Variants in EYS observed in about 807,000 individuals in gnomAD.
EYS encodes EGF-like photoreceptor maintenance factor, also known as protein eyes shut homolog.
In EYS, 250 loss-of-function variants were observed where a neutral mutation model predicts 282.1. That is an observed-to-expected ratio of 0.89 (90% confidence interval 0.80 to 0.98). EYS has a LOEUF of 0.98. EYS is among the 50% of genes least tolerant of loss of function. The pLI, the probability that EYS is intolerant of heterozygous loss-of-function variation, is 0.00. For missense variants in EYS, 4,016 were observed against 3,709.0 expected (o/e 1.08, Z -2.15); for synonymous variants, 1,355 against 1,282.9 (o/e 1.06, Z -1.20).
chr6:64,021,884 G>A (rs999751430), intron 33 of EYS, among the ~76,000 whole-genome samples: 1 of 152,080 alleles, frequency 6.6e-6, no homozygotes, highest in Admixed American at 6.5e-5. Flanking sequence ...TTTGCATTGT[G>A]CTTTTGTTAC....
At chr6:64,442,727 C>T (rs1327706975) in intron 26 of EYS, among the ~76,000 whole-genome samples, 2 of 152,150 alleles carry the variant, frequency 1.3e-5, no homozygotes, top group East Asian at 1.9e-4. Flanking sequence ...AAGCCCCAAG[C>T]CTTGGAAGCT....
chr6:65,354,980 A>G (rs1764425707), intron 8 of EYS, among the ~76,000 whole-genome samples: 1 of 152,148 alleles, frequency 6.6e-6, no homozygotes, highest in South Asian at 2.1e-4. Context: ...GAGACATCAA[A>G]TGTTGAAGTC....
rs572123084 is a variant in EYS, at chr6:65,181,863, G to T, written c.2023+114000C>A. ...GAAAATGTGTCACATATACACCATGGAATACTATGCAGCCATAAAAAATGA... is the reference window on the plus strand; with the variant it reads ...GAAAATGTGTCACATATACACCATGTAATACTATGCAGCCATAAAAAATGA... On this transcript the variant is annotated intron_variant, in intron 12 of 42. Transcript: ENST00000503581. Among the ~76,000 whole-genome samples, 978 of 152,192 alleles carry T rather than the reference G, an allele frequency of 6.4e-3. 12 individuals carry two copies. The highest frequency in any genetic ancestry group is 0.022 in the African/African-American group (919 of 41,550).
intron 30 of EYS, among the ~76,000 whole-genome samples, chr6:64,254,136 C>G (rs898061037): frequency 6.6e-6 from 1 of 152,044 alleles, no homozygotes; most frequent in African/African-American, 2.4e-5. Context: ...TTTGGCCTTT[C>G]TCGTGTAATA....
At chr6:65,345,733 A>G (rs1472104051) in intron 9 of EYS, among the ~76,000 whole-genome samples, 1 of 151,740 alleles carries the variant, frequency 6.6e-6, no homozygotes, top group South Asian at 2.1e-4. Flanking sequence ...TCTGCCTCCC[A>G]AGACCTCAAA....
intron 5 of EYS, among the ~76,000 whole-genome samples, chr6:65,469,625 T>C (rs1269639565): frequency 6.6e-6 from 1 of 152,120 alleles, no homozygotes; most frequent in East Asian, 1.9e-4. Context: ...CTCTGTATTT[T>C]TTATTTCTTT....
chr6:64,776,789 T>C (rs1357851783), intron 22 of EYS, among the ~76,000 whole-genome samples: 1 of 152,132 alleles, frequency 6.6e-6, no homozygotes, highest in Non-Finnish European at 1.5e-5. Context: ...AGTTGACACT[T>C]GCTGAAAATT....
intron 1 of EYS, among the ~76,000 whole-genome samples, chr6:65,695,140 T>C (rs1238363253): frequency 6.6e-6 from 1 of 152,094 alleles, no homozygotes; most frequent in Non-Finnish European, 1.5e-5. Context: ...TCCATGTACA[T>C]AGAAATAAGT....
chr6:65,382,457 C>CTGTGTGTGTGTGTGTG (rs55949006), intron 8 of EYS, among the ~76,000 whole-genome samples: 12 of 112,014 alleles, frequency 1.1e-4, no homozygotes, highest in South Asian at 3.3e-4. Flanking sequence ...CTCCTTTCCT[C>CTGTGTGTGTGTGTGTG]TGTGTGTGTG....
intron 8 of EYS, among the ~76,000 whole-genome samples, chr6:65,359,181 G>C (rs1764604714): frequency 6.6e-6 from 1 of 151,914 alleles, no homozygotes; most frequent in Non-Finnish European, 1.5e-5. Context: ...AGAAACAAGA[G>C]AATCAAGAAA....
intron 29 of EYS, among the ~76,000 whole-genome samples, chr6:64,365,484 T>C (rs892967457): frequency 6.6e-6 from 1 of 151,886 alleles, no homozygotes; most frequent in Non-Finnish European, 1.5e-5. Flanking sequence ...GCCACTTTTA[T>C]GGGAGTAAGA....
At chr6:65,398,030 GT>G (rs1423670797) in intron 7 of EYS, among the ~76,000 whole-genome samples, 3 of 151,808 alleles carry the variant, frequency 2.0e-5, no homozygotes, top group East Asian at 1.9e-4. Context: ...TTTTTTATAT[GT>G]TTTTTGGCTG....
chr6:64,665,557 A>G (rs1014497431), intron 22 of EYS, among the ~76,000 whole-genome samples: 2 of 152,160 alleles, frequency 1.3e-5, no homozygotes, highest in Non-Finnish European at 2.9e-5. Flanking sequence ...CTAAAAGTGC[A>G]TTTGTATTAT....
At position 65,253,569 on chromosome 6, in the gene EYS, A is replaced by G. The variant is rs115319548; in HGVS notation, c.2023+42294T>C. Among the ~76,000 whole-genome samples, 416 of 152,052 alleles carry G rather than the reference A, an allele frequency of 2.7e-3. 2 individuals are homozygous for G. The highest frequency in any genetic ancestry group is 9.1e-3 in the African/African-American group (379 of 41,556). ...GTAATGCATAAGACTGAGATATTTT[A>G]TAAGTCATATACATATTATTGTGAA... On this transcript the variant is annotated intron_variant, in intron 12 of 42. Coordinates refer to ENST00000503581, the MANE Select transcript of EYS (RefSeq NM_001142800.2).
At chr6:64,654,550 C>A (rs1242311614) in intron 22 of EYS, among the ~76,000 whole-genome samples, 1 of 152,044 alleles carries the variant, frequency 6.6e-6, no homozygotes, top group African/African-American at 2.4e-5. Context: ...ATAAGTAGGA[C>A]CAAGTTGCAG....
chr6:64,927,500 C>A (rs1335630975), intron 15 of EYS, among the ~76,000 whole-genome samples: 1 of 152,038 alleles, frequency 6.6e-6, no homozygotes, highest in Admixed American at 6.6e-5. Flanking sequence ...AGAAATAAAA[C>A]TTTTTACCAT....
At chr6:65,310,807 A>G (rs1207978706) in intron 11 of EYS, among the ~76,000 whole-genome samples, 1 of 152,148 alleles carries the variant, frequency 6.6e-6, no homozygotes, top group African/African-American at 2.4e-5. Flanking sequence ...TACCACTTCA[A>G]ATGGGTTTTC....
chr6:63,915,370 T>C (rs1172335207), intron 35 of EYS, among the ~76,000 whole-genome samples: 2 of 152,148 alleles, frequency 1.3e-5, no homozygotes, highest in Non-Finnish European at 2.9e-5. Context: ...GACCTACTGC[T>C]CAGAAAAAAG....
At chr6:64,396,969 T>C (rs1773401548) in intron 28 of EYS, among the ~76,000 whole-genome samples, 1 of 152,066 alleles carries the variant, frequency 6.6e-6, no homozygotes, top group Admixed American at 6.6e-5. Flanking sequence ...CTTTTATTGG[T>C]TCATATTTCT....
Sources: allele counts gnomAD v4.1 joint callset (sites outside exome capture counted in the v4.1 genomes callset), GRCh38; gene constraint gnomAD v4.1.1; transcripts MANE v1.5; gene names NCBI Gene and HGNC (gene_info 2026-07-23, HGNC 2026-07-21).